The following RARS2 variants were observed in gnomAD, a reference collection of about 807,000 sequenced individuals.
RARS2 encodes the protein arginyl-tRNA synthetase 2, mitochondrial.
Under a neutral mutation model 88.5 loss-of-function variants are expected in RARS2, and 67 were observed. That is an observed-to-expected ratio of 0.76 (90% CI 0.62 to 0.93). The LOEUF is 0.93. Among genes scored for constraint, RARS2 ranks in the 40% least tolerant of loss-of-function variants. RARS2 has a pLI of 0.00. For synonymous variants in RARS2, 239 were observed against 230.3 expected, an observed-to-expected ratio of 1.04 and a Z score of -0.34; for missense variants, 664 against 684.2, an observed-to-expected ratio of 0.97 and a Z score of 0.33.
intron 16 of RARS2, 76 bp from the exon 17 acceptor site, chr6:87,518,340 C>T (rs1772510892): frequency 6.2e-7 from 1 of 1,606,678 alleles, no homozygotes; most frequent in Non-Finnish European, 8.5e-7. Context: ...AAGTGATGAA[C>T]ATGACCTTAT....
At position 87,545,708 on chromosome 6, in the gene RARS2, C is replaced by A; in HGVS notation, c.452-9G>T. 6.2e-7 allele frequency: 1 copy of A among 1,611,490 alleles called. No homozygotes were observed. Among genetic ancestry groups the A allele is most frequent in the South Asian group, 1.1e-5 (1 of 90,928 alleles). On this transcript the variant is annotated splice_polypyrimidine_tract_variant and intron_variant, in intron 6 of 19. Transcript: ENST00000369536. ...ATTTGCTATAAAATTTCCTAGTAAT[C>A]AATAAAGTATATAGTTTCTCATTCT...
chr6:87,518,905 A>G lies in RARS2; in HGVS notation c.1238-14T>C. ...GTTCTTTAGTTGCTGAAACAGACAA[A>G]GGCAGCTATCTTTAGTCTACATGAC... On this transcript the variant is annotated splice_polypyrimidine_tract_variant and intron_variant, in intron 14 of 19. Transcript: ENST00000369536. 6.2e-7 allele frequency: 1 copy of G among 1,613,508 alleles called. No homozygotes were observed. The highest frequency in any genetic ancestry group is 8.5e-7 in the Non-Finnish European group (1 of 1,179,498).
intron 11 of RARS2, 69 bp from the exon 12 acceptor site, chr6:87,521,593 A>G: frequency 8.6e-7 from 1 of 1,166,600 alleles, no homozygotes; most frequent in South Asian, 1.2e-5. Flanking sequence ...TTACCTATTT[A>G]ATAGCAATGA....
chr6:87,575,100 CAA>C (rs1259665179), intron 1 of RARS2, among the ~76,000 whole-genome samples: 1 of 151,868 alleles, frequency 6.6e-6, no homozygotes, highest in Non-Finnish European at 1.5e-5. Flanking sequence ...CCATAAACTT[CAA>C]AAGAGATCTC....
At chr6:87,539,703 T>C (rs1216649763) in intron 8 of RARS2, among the ~76,000 whole-genome samples, 2 of 152,210 alleles carry the variant, frequency 1.3e-5, no homozygotes, top group African/African-American at 2.4e-5. Flanking sequence ...TAAATGACCC[T>C]GTCTCCTTTG....
At chr6:87,541,234 T>C (rs1282739465) in intron 8 of RARS2, among the ~76,000 whole-genome samples, 1 of 152,172 alleles carries the variant, frequency 6.6e-6, no homozygotes, top group Admixed American at 6.5e-5. Context: ...TGGAGTGCAG[T>C]GTCATGACTA....
chr6:87,562,560 G>A (rs1269047511), intron 4 of RARS2, 142 bp downstream of exon 4: 5 of 685,026 alleles, frequency 7.3e-6, no homozygotes, highest in Admixed American at 2.2e-5. Flanking sequence ...AACTTGGGGT[G>A]GTACTCTCCA....
chr6:87,573,268 T>C (rs1350481472), intron 1 of RARS2, among the ~76,000 whole-genome samples: 3 of 152,048 alleles, frequency 2.0e-5, no homozygotes, highest in Non-Finnish European at 4.4e-5. Flanking sequence ...GGGGAGATGC[T>C]ACACACTGTT....
intron 8 of RARS2, among the ~76,000 whole-genome samples, chr6:87,537,892 A>G (rs903776788): frequency 1.3e-5 from 2 of 152,208 alleles, no homozygotes; most frequent in African/African-American, 2.4e-5. Context: ...ACGATGGGGC[A>G]GAGTCTCTGT....
At chr6:87,574,146 T>C (rs1389271593) in intron 1 of RARS2, among the ~76,000 whole-genome samples, 1 of 152,228 alleles carries the variant, frequency 6.6e-6, no homozygotes, top group African/African-American at 2.4e-5. Context: ...GTAAAAATTC[T>C]AGGGTAACAC....
At chr6:87,523,830 T>C (rs1264535060) in intron 11 of RARS2, among the ~76,000 whole-genome samples, 2 of 152,208 alleles carry the variant, frequency 1.3e-5, no homozygotes, top group African/African-American at 4.8e-5. Flanking sequence ...AAAAAACTTT[T>C]CTAATATATA....
intron 4 of RARS2, among the ~76,000 whole-genome samples, chr6:87,558,844 A>G (rs181676143): frequency 1.6e-4 from 24 of 152,348 alleles, no homozygotes; most frequent in Admixed American, 1.2e-3. Flanking sequence ...TACTCCTTAT[A>G]CTTATTAAAA....
At chr6:87,564,054 T>G in intron 3 of RARS2, 76 bp downstream of exon 3, 1 of 1,079,860 alleles carries the variant, frequency 9.3e-7, no homozygotes, top group Non-Finnish European at 1.4e-6. Flanking sequence ...CTATTATGGC[T>G]GAGATAGCCT....
chr6:87,530,781 T>C lies in RARS2; in HGVS notation c.771+3A>G, dbSNP rs1377224883. The C allele has an allele frequency of 1.2e-6, 2 of 1,614,000 alleles. No homozygotes were observed. Among genetic ancestry groups the C allele is most frequent in the Admixed American group, 1.7e-5 (1 of 60,004 alleles). On this transcript the variant is annotated splice_donor_region_variant and intron_variant, in intron 9 of 19. Transcript: ENST00000369536. Reference sequence around the variant, plus strand: ...GAAAGCAGAAGGGAGGGTCAACCAATACCTTGTAAACCCGAATGTACTCTT... The same window carrying C: ...GAAAGCAGAAGGGAGGGTCAACCAACACCTTGTAAACCCGAATGTACTCTT...
At chr6:87,562,821 TA>T in intron 3 of RARS2, 36 bp from the exon 4 acceptor site, 1 of 1,495,098 alleles carries the variant, frequency 6.7e-7, no homozygotes, top group Non-Finnish European at 9.3e-7. Context: ...AGGTATGTTA[TA>T]TAATAGGCCT....
At chr6:87,556,909 C>T (rs891798251) in intron 4 of RARS2, among the ~76,000 whole-genome samples, 4 of 151,498 alleles carry the variant, frequency 2.6e-5, no homozygotes, top group Admixed American at 2.0e-4. Context: ...ACCTTAGCCT[C>T]CTAAAGTGCT....
At chr6:87,550,643 A>C (rs2128131854) in intron 5 of RARS2, among the ~76,000 whole-genome samples, 1 of 151,984 alleles carries the variant, frequency 6.6e-6, no homozygotes, top group South Asian at 2.1e-4. Flanking sequence ...TATATGTTTA[A>C]ATATGGTGAA....
At chr6:87,553,268 C>A (rs966773859) in intron 5 of RARS2, among the ~76,000 whole-genome samples, 2 of 152,040 alleles carry the variant, frequency 1.3e-5, no homozygotes, top group African/African-American at 4.8e-5. Flanking sequence ...TGATTTGTAG[C>A]CCCACTAGTC....
chr6:87,550,167 T>TA (rs917083098), intron 5 of RARS2, among the ~76,000 whole-genome samples: 34 of 151,430 alleles, frequency 2.2e-4, no homozygotes, highest in Middle Eastern at 3.4e-3. Context: ...CTTAAAGGCT[T>TA]AAAAAAAAAC....
Sources: gnomAD v4.1 joint callset for allele counts (sites outside exome capture counted in the v4.1 genomes callset) on GRCh38, gnomAD v4.1.1 for gene constraint, MANE v1.5 for transcripts, NCBI Gene and HGNC (gene_info 2026-07-23, HGNC 2026-07-21) for gene names.